UROC1: variants seen among roughly 807,000 people sequenced by gnomAD.
The protein encoded by UROC1 is urocanate hydratase 1.
In UROC1, 79 loss-of-function variants were observed where a neutral mutation model predicts 89.5. That is an observed-to-expected ratio of 0.88 (90% CI 0.74 to 1.06). The LOEUF is 1.06. UROC1 is among the 50% of genes least tolerant of loss of function. The probability of loss-of-function intolerance (pLI) is 0.00; values close to 1 mark genes in which losing one functional copy is unlikely to be tolerated. For missense variants in UROC1, 885 were observed against 907.8 expected (o/e 0.97, Z 0.32); for synonymous variants, 361 against 354.8 (o/e 1.02, Z -0.20).
At chr3:126,501,464 A>T (rs1456021907) in intron 9 of UROC1, among the ~76,000 whole-genome samples, 184 bp from the exon 10 acceptor site, 4 of 152,200 alleles carry the variant, frequency 2.6e-5, no homozygotes, top group African/African-American at 9.7e-5. Context: ...TTTGTCCAGG[A>T]CACAAAACTA....
chr3:126,494,101 A>C (rs1350268214), intron 15 of UROC1, among the ~76,000 whole-genome samples: 1 of 152,216 alleles, frequency 6.6e-6, no homozygotes, highest in Non-Finnish European at 1.5e-5. Flanking sequence ...CCAGAAAAAA[A>C]TTGGTGAGGA....
chr3:126,509,249 A>AG (rs1169070851), intron 3 of UROC1, among the ~76,000 whole-genome samples: 2 of 151,792 alleles, frequency 1.3e-5, no homozygotes, highest in African/African-American at 4.8e-5. Flanking sequence ...AAAAAAAAAA[A>AG]AAAAAGTAAA....
chr3:126,509,707 G>C (rs1397395590), intron 2 of UROC1, 29 bp from the exon 3 acceptor site: 1 of 1,543,570 alleles, frequency 6.5e-7, no homozygotes, highest in East Asian at 2.4e-5. Context: ...CCACCAGGCT[G>C]CCCTTCCCGC....
intron 9 of UROC1, among the ~76,000 whole-genome samples, chr3:126,502,428 TTG>T (rs1334292040): frequency 2.0e-5 from 3 of 151,872 alleles, no homozygotes; most frequent in Non-Finnish European, 2.9e-5. Context: ...TGTTATGTGT[TTG>T]TGTTTATTAT....
At chr3:126,512,021 G>A (rs1241992454) in intron 1 of UROC1, among the ~76,000 whole-genome samples, 1 of 152,164 alleles carries the variant, frequency 6.6e-6, no homozygotes, top group East Asian at 1.9e-4. Context: ...TTCATCCTCT[G>A]TATCTAGAGT....
chr3:126,484,276 G>C (rs1468165119), intron 18 of UROC1, among the ~76,000 whole-genome samples: 1 of 152,196 alleles, frequency 6.6e-6, no homozygotes, highest in Non-Finnish European at 1.5e-5. Flanking sequence ...CACTGGAGCT[G>C]TTCCCCATCA....
intron 16 of UROC1, among the ~76,000 whole-genome samples, chr3:126,491,727 C>T (rs974437783): frequency 6.6e-6 from 1 of 152,246 alleles, no homozygotes; most frequent in South Asian, 2.1e-4. Flanking sequence ...CCCAGGGTTC[C>T]GTCCTCGAGA....
intron 13 of UROC1, among the ~76,000 whole-genome samples, chr3:126,498,446 TA>T (rs771886664): frequency 3.9e-5 from 6 of 152,264 alleles, no homozygotes; most frequent in Non-Finnish European, 8.8e-5. Flanking sequence ...CAATTGCTGT[TA>T]CAGATGACAA....
chr3:126,507,555 A>G (rs1936093414), intron 6 of UROC1, among the ~76,000 whole-genome samples, 187 bp downstream of exon 6: 1 of 152,252 alleles, frequency 6.6e-6, no homozygotes, highest in African/African-American at 2.4e-5. Context: ...GTTCTCTTGC[A>G]TTCAAGAATA....
intron 9 of UROC1, among the ~76,000 whole-genome samples, chr3:126,502,519 T>G (rs961353238): frequency 2.6e-5 from 4 of 151,880 alleles, no homozygotes; most frequent in African/African-American, 9.7e-5. Flanking sequence ...TATGCATGTG[T>G]GTGTTATGTC....
chr3:126,484,753 A>G (rs1018239402), intron 18 of UROC1, among the ~76,000 whole-genome samples: 1 of 152,168 alleles, frequency 6.6e-6, no homozygotes, highest in African/African-American at 2.4e-5. Context: ...TGGGCAGTCC[A>G]TGGCCTGCAG....
Position 126,508,112 on chromosome 3 carries a change from G to C in UROC1, c.412-17C>G, listed in dbSNP as rs1459841119. On this transcript the variant is annotated splice_polypyrimidine_tract_variant and intron_variant, in intron 4 of 19. Coordinates refer to ENST00000290868, the MANE Select transcript of UROC1 (RefSeq NM_144639.3). ...CAGCCAGAACTGGGGGAAGAGCAGAGCGTGGGGATTCTGTCAACAGAAGCA... is the reference window on the plus strand; with the variant it reads ...CAGCCAGAACTGGGGGAAGAGCAGACCGTGGGGATTCTGTCAACAGAAGCA... 3 of 1,613,530 alleles carry C rather than the reference G, an allele frequency of 1.9e-6. No homozygotes were observed. The highest frequency in any genetic ancestry group is 2.5e-6 in the Non-Finnish European group (3 of 1,180,022).
chr3:126,511,384 T>G (rs1335585935), intron 1 of UROC1, among the ~76,000 whole-genome samples: 1 of 152,208 alleles, frequency 6.6e-6, no homozygotes, highest in African/African-American at 2.4e-5. Context: ...TTCATTTCAC[T>G]TTCAAGTCAA....
Position 126,505,746 on chromosome 3 carries a change from C to T in UROC1, c.768G>A (p.Gln256=). 6.2e-7 allele frequency: 1 copy of T among 1,613,868 alleles called. No homozygotes were observed. Among genetic ancestry groups the T allele is most frequent in the South Asian group, 1.1e-5 (1 of 91,080 alleles). ...TSGLGGMSGA[Q]AKAAVIVGCI... is the part of the protein sequence containing the mutation. ...ACCCCACGATGACTGCGGCCTTGGC[C>T]TGAGCCCCACTCATTCCGCCGAGCC... is the stretch of plus-strand genomic sequence containing the variant. Residue 256 remains glutamine (Q), a synonymous_variant, in exon 8 of 20, where the codon CAG becomes CAA. Coordinates refer to ENST00000290868, the MANE Select transcript of UROC1 (RefSeq NM_144639.3).
intron 1 of UROC1, among the ~76,000 whole-genome samples, chr3:126,514,327 G>T (rs1424635861): frequency 6.6e-6 from 1 of 152,218 alleles, no homozygotes; most frequent in Non-Finnish European, 1.5e-5. Flanking sequence ...GCTGTGGGTG[G>T]GGTCGATTTG....
intron 14 of UROC1, 144 bp from the exon 15 acceptor site, chr3:126,496,252 C>A: frequency 1.3e-6 from 1 of 758,918 alleles, no homozygotes; most frequent in East Asian, 2.7e-5. Context: ...CCCACCCCAC[C>A]CCTGCCTTTG....
chr3:126,495,728 T>A (rs1935760559), intron 15 of UROC1, among the ~76,000 whole-genome samples: 1 of 152,210 alleles, frequency 6.6e-6, no homozygotes, highest in African/African-American at 2.4e-5. Flanking sequence ...AGCTTCCTCC[T>A]GATTTCCATG....
intron 18 of UROC1, among the ~76,000 whole-genome samples, chr3:126,484,523 T>C (rs1935468455): frequency 6.6e-6 from 1 of 152,240 alleles, no homozygotes; most frequent in African/African-American, 2.4e-5. Flanking sequence ...TAGTTTCCCT[T>C]GTCTCAAATC....
At chr3:126,495,574 G>A (rs900875912) in intron 15 of UROC1, among the ~76,000 whole-genome samples, 10 of 152,192 alleles carry the variant, frequency 6.6e-5, no homozygotes, top group Non-Finnish European at 1.2e-4. Context: ...GGTGGCTTCC[G>A]CAGCTTAGCC....
Sources: allele counts gnomAD v4.1 joint callset (sites outside exome capture counted in the v4.1 genomes callset), GRCh38; gene constraint gnomAD v4.1.1; transcripts MANE v1.5; gene names NCBI Gene and HGNC (gene_info 2026-07-23, HGNC 2026-07-21).